The following CACNA2D3 variants were observed in gnomAD, a reference collection of about 807,000 sequenced individuals.
CACNA2D3 encodes the protein calcium voltage-gated channel auxiliary subunit alpha2delta 3.
Under a neutral mutation model 160.6 loss-of-function variants are expected in CACNA2D3, and 60 were observed. The ratio of observed to expected loss-of-function variants is 0.37; its 90% CI spans 0.30 to 0.46. The LOEUF is 0.46. CACNA2D3 is among the 20% of genes least tolerant of loss of function. The pLI is 1.00. For synonymous variants in CACNA2D3, 558 were observed against 492.9 expected, an observed-to-expected ratio of 1.13 and a Z score of -1.75; for missense variants, 1,205 against 1,365.0, an observed-to-expected ratio of 0.88 and a Z score of 1.85.
intron 13 of CACNA2D3, among the ~76,000 whole-genome samples, chr3:54,784,789 A>G (rs951441944): frequency 6.6e-6 from 1 of 152,200 alleles, no homozygotes; most frequent in African/African-American, 2.4e-5. Flanking sequence ...CTGACCCCAG[A>G]TGGGCAAAGT....
chr3:54,544,571 G>A (rs6445694), intron 5 of CACNA2D3, among the ~76,000 whole-genome samples: 151,304 of 152,186 alleles, frequency 0.99, 75,224 homozygotes, highest in East Asian at 1. Flanking sequence ...GCCTAGTCTA[G>A]ATTTTTGTAG....
intron 11 of CACNA2D3, among the ~76,000 whole-genome samples, chr3:54,735,119 G>T (rs1388346254): frequency 6.6e-6 from 1 of 152,244 alleles, no homozygotes; most frequent in Non-Finnish European, 1.5e-5. Context: ...CAGCAAAGCT[G>T]TATTGACAAT....
chr3:54,714,822 C>G (rs972301328), intron 11 of CACNA2D3, among the ~76,000 whole-genome samples: 6 of 152,196 alleles, frequency 3.9e-5, no homozygotes, highest in Admixed American at 1.3e-4. Context: ...TAGAAACCAT[C>G]TGAGTGTCCA....
chr3:54,278,147 G>GA (rs554822694), intron 2 of CACNA2D3, among the ~76,000 whole-genome samples: 1 of 151,862 alleles, frequency 6.6e-6, no homozygotes, highest in Admixed American at 6.6e-5. Context: ...AAATTTACTA[G>GA]AAAAAAACAA....
chr3:54,174,861 T>C (rs1348099357), intron 2 of CACNA2D3, among the ~76,000 whole-genome samples: 1 of 152,180 alleles, frequency 6.6e-6, no homozygotes, highest in Non-Finnish European at 1.5e-5. Flanking sequence ...TGTCAGGTTT[T>C]TCTGGAAGGA....
At chr3:54,696,301 C>T (rs1700665501) in intron 11 of CACNA2D3, among the ~76,000 whole-genome samples, 1 of 152,144 alleles carries the variant, frequency 6.6e-6, no homozygotes. Flanking sequence ...GAAGGTCCCC[C>T]CATTCCAGCA....
intron 27 of CACNA2D3, among the ~76,000 whole-genome samples, chr3:54,942,166 G>T (rs1039346888): frequency 1.3e-5 from 2 of 152,206 alleles, no homozygotes; most frequent in African/African-American, 4.8e-5. Context: ...AATGATTTCT[G>T]CAACAGGGCA....
intron 13 of CACNA2D3, among the ~76,000 whole-genome samples, chr3:54,814,147 G>A (rs987371411): frequency 9.9e-5 from 15 of 152,150 alleles, no homozygotes; most frequent in East Asian, 1.9e-4. Context: ...GGGATCACAG[G>A]TGTGAGCCAC....
At chr3:54,262,348 CCCCGAAGT>C (rs748647689) in intron 2 of CACNA2D3, among the ~76,000 whole-genome samples, 1 of 152,064 alleles carries the variant, frequency 6.6e-6, no homozygotes, top group Non-Finnish European at 1.5e-5. Context: ...ACAGAGAGTT[CCCCGAAGT>C]GGGGAAAGTG....
intron 3 of CACNA2D3, among the ~76,000 whole-genome samples, chr3:54,371,882 A>G (rs1698931566): frequency 6.6e-6 from 1 of 152,250 alleles, no homozygotes; most frequent in Non-Finnish European, 1.5e-5. Context: ...CGTGGCCTGA[A>G]CTGACATGTG....
At chr3:54,614,763 T>C (rs1244043251) in intron 9 of CACNA2D3, among the ~76,000 whole-genome samples, 1 of 152,158 alleles carries the variant, frequency 6.6e-6, no homozygotes, top group Non-Finnish European at 1.5e-5. Flanking sequence ...AGCAGGAAGC[T>C]ATCAACTACT....
At chr3:55,064,262 A>T (rs571390985) in intron 35 of CACNA2D3, among the ~76,000 whole-genome samples, 1 of 152,340 alleles carries the variant, frequency 6.6e-6, no homozygotes, top group South Asian at 2.1e-4. Flanking sequence ...TCTTTGCATC[A>T]AATACCAAAT....
At chr3:54,815,412 G>A (rs944726778) in intron 13 of CACNA2D3, among the ~76,000 whole-genome samples, 2 of 152,150 alleles carry the variant, frequency 1.3e-5, no homozygotes, top group East Asian at 3.9e-4. Flanking sequence ...GGGGTTTAGG[G>A]CAAGTTTAAG....
chr3:55,031,215 T>G (rs1414720560), intron 35 of CACNA2D3, among the ~76,000 whole-genome samples: 1 of 152,204 alleles, frequency 6.6e-6, no homozygotes. Flanking sequence ...ATCCTGGTGG[T>G]TGTTTGTGCT....
At chr3:54,995,876 C>T (rs938756913) in intron 31 of CACNA2D3, among the ~76,000 whole-genome samples, 4 of 152,122 alleles carry the variant, frequency 2.6e-5, no homozygotes, top group Admixed American at 6.5e-5. Flanking sequence ...CTTTGGAACT[C>T]CTTGAGTGAT....
At chr3:54,551,864 G>A (rs1442409346) in intron 5 of CACNA2D3, among the ~76,000 whole-genome samples, 1 of 152,188 alleles carries the variant, frequency 6.6e-6, no homozygotes, top group Non-Finnish European at 1.5e-5. Context: ...TGAGCCTTAT[G>A]TCCTTTCCAG....
At chr3:54,477,218 A>C (rs1239939128) in intron 4 of CACNA2D3, among the ~76,000 whole-genome samples, 1 of 152,140 alleles carries the variant, frequency 6.6e-6, no homozygotes, top group African/African-American at 2.4e-5. Context: ...TAGAGTACCT[A>C]TAACCTAAGA....
intron 2 of CACNA2D3, among the ~76,000 whole-genome samples, chr3:54,261,107 A>G (rs148298655): frequency 8.1e-4 from 123 of 152,318 alleles, no homozygotes; most frequent in African/African-American, 2.7e-3. Flanking sequence ...ATTAAGAATA[A>G]ATGTCTAGAT....
At chr3:54,917,950 A>G (rs1366599983) in intron 27 of CACNA2D3, among the ~76,000 whole-genome samples, 1 of 152,240 alleles carries the variant, frequency 6.6e-6, no homozygotes, top group Non-Finnish European at 1.5e-5. Context: ...TATAACATAT[A>G]CAACATCTAA....
Sources: gnomAD v4.1 joint callset for allele counts (sites outside exome capture counted in the v4.1 genomes callset) on GRCh38, gnomAD v4.1.1 for gene constraint, MANE v1.5 for transcripts, NCBI Gene and HGNC (gene_info 2026-07-23, HGNC 2026-07-21) for gene names.